Variants in CECR2 observed in about 807,000 individuals in gnomAD.
CECR2 encodes the protein chromatin remodeling regulator CECR2.
A neutral mutation model predicts 154.5 loss-of-function variants in CECR2; 30 were observed. The ratio of observed to expected loss-of-function variants is 0.19; its 90% CI spans 0.15 to 0.26. CECR2 has a LOEUF of 0.26. Among genes scored for constraint, CECR2 ranks in the 10% least tolerant of loss-of-function variants. The probability of loss-of-function intolerance (pLI) is 1.00; values close to 1 mark genes in which losing one functional copy is unlikely to be tolerated. For synonymous variants in CECR2, 725 were observed against 683.7 expected, an observed-to-expected ratio of 1.06 and a Z score of -0.94; for missense variants, 1,743 against 1,829.3, an observed-to-expected ratio of 0.95 and a Z score of 0.86.
At chr22:17,483,602 A>G (rs73379490) in intron 2 of CECR2, among the ~76,000 whole-genome samples, 4,903 of 152,236 alleles carry the variant, frequency 0.032, 288 homozygotes, top group African/African-American at 0.11. Context: ...GCAGAAAAAA[A>G]AAGAAAAAAA....
intron 1 of CECR2, among the ~76,000 whole-genome samples, chr22:17,375,061 T>G (rs1256400115): frequency 6.6e-6 from 1 of 152,166 alleles, no homozygotes; most frequent in Admixed American, 6.6e-5. Flanking sequence ...TTTAAAAAAC[T>G]TCTGAACTAA....
chr22:17,512,318 C>G (rs1045305835), intron 8 of CECR2, among the ~76,000 whole-genome samples: 1 of 151,930 alleles, frequency 6.6e-6, no homozygotes, highest in African/African-American at 2.4e-5. Context: ...GAAGGCATCC[C>G]ACACTACAGG....
chr22:17,494,855 C>T (rs1480570907), intron 2 of CECR2, among the ~76,000 whole-genome samples: 4 of 152,032 alleles, frequency 2.6e-5, no homozygotes, highest in Admixed American at 6.6e-5. Flanking sequence ...CCACCACGCC[C>T]GGCTAATTTT....
At position 17,474,374 on chromosome 22, in the gene CECR2, G is replaced by A. The variant is rs753522669; in HGVS notation, c.127-3214G>A. ...CAGGGATGGTGAAATGGGGAATATG[G>A]TAGGTAAGGGAGAAGAGTTGGAATA... is the stretch of plus-strand genomic sequence containing the variant. On this transcript the variant is annotated intron_variant, in intron 1 of 18. Coordinates refer to ENST00000262608, the MANE Select transcript of CECR2 (RefSeq NM_001290047.2). 6.6e-5 allele frequency among the ~76,000 whole-genome samples: 10 copies of A among 152,318 alleles called. 1 individual carries two copies. The highest frequency in any genetic ancestry group is 6.8e-3 in the Middle Eastern group (2 of 294).
intron 1 of CECR2, among the ~76,000 whole-genome samples, chr22:17,433,458 GTTC>G (rs1450880130): frequency 1.3e-5 from 2 of 152,052 alleles, no homozygotes; most frequent in African/African-American, 2.4e-5. Context: ...CCTTATTGTT[GTTC>G]TTTAAACAGA....
intron 1 of CECR2, among the ~76,000 whole-genome samples, chr22:17,437,262 C>T (rs1405276664): frequency 3.3e-5 from 5 of 152,122 alleles, no homozygotes; most frequent in Non-Finnish European, 7.4e-5. Flanking sequence ...TCTCCATCTC[C>T]TCATCCCCTG....
rs1035904196 is a variant in CECR2, at chr22:17,408,993, C to G, written c.126+39084C>G. ...TTTCTTTTCATAAAGGCTCTGAACT[C>G]CATAGGGCCTTTGCACCTGCTCATG... On this transcript the variant is annotated intron_variant, in intron 1 of 18. Coordinates refer to ENST00000262608, the MANE Select transcript of CECR2 (RefSeq NM_001290047.2). 2.0e-5 allele frequency among the ~76,000 whole-genome samples: 3 copies of G among 152,348 alleles called. No individual in the cohort carries two copies. In the East Asian group the frequency reaches 5.8e-4, roughly 29 times the overall value.
chr22:17,422,147 A>G (rs1211529900), intron 1 of CECR2, among the ~76,000 whole-genome samples: 1 of 149,596 alleles, frequency 6.7e-6, no homozygotes, highest in Non-Finnish European at 1.5e-5. Context: ...TCTTTTCTTT[A>G]TGTGTATTTT....
At chr22:17,530,806 G>T (rs1358425417) in intron 9 of CECR2, among the ~76,000 whole-genome samples, 1 of 152,148 alleles carries the variant, frequency 6.6e-6, no homozygotes, top group East Asian at 1.9e-4. Context: ...TAAGAGGGAA[G>T]GAAATTCTGA....
chr22:17,460,675 T>A (rs1245365220), intron 1 of CECR2, among the ~76,000 whole-genome samples: 1 of 137,506 alleles, frequency 7.3e-6, no homozygotes, highest in African/African-American at 3.4e-5. Flanking sequence ...TTAGATTGTA[T>A]GGAGAGTCTC....
intron 1 of CECR2, among the ~76,000 whole-genome samples, chr22:17,437,200 C>T (rs1388586481): frequency 6.6e-6 from 1 of 152,114 alleles, no homozygotes; most frequent in African/African-American, 2.4e-5. Flanking sequence ...CATGTCTTCC[C>T]CTTCCCCCTT....
intron 8 of CECR2, among the ~76,000 whole-genome samples, chr22:17,513,768 C>G (rs1391352401): frequency 6.6e-6 from 1 of 152,174 alleles, no homozygotes; most frequent in African/African-American, 2.4e-5. Flanking sequence ...ACAGTTCACA[C>G]CTCCTTGCAA....
intron 7 of CECR2, among the ~76,000 whole-genome samples, chr22:17,505,991 C>T (rs967809067): frequency 1.2e-4 from 18 of 151,410 alleles, no homozygotes; most frequent in East Asian, 9.7e-4. Flanking sequence ...GACACAGGCT[C>T]GTGCCACCAC....
At chr22:17,463,293 T>C (rs1379988645) in intron 1 of CECR2, among the ~76,000 whole-genome samples, 1 of 152,180 alleles carries the variant, frequency 6.6e-6, no homozygotes, top group Non-Finnish European at 1.5e-5. Context: ...AGAGGTCATA[T>C]AAACTTTGGA....
intron 9 of CECR2, among the ~76,000 whole-genome samples, chr22:17,532,767 G>T (rs1194558233): frequency 5.8e-5 from 7 of 121,694 alleles, no homozygotes; most frequent in Non-Finnish European, 9.5e-5. Flanking sequence ...ACTCAGGCTG[G>T]AGTGCAGTGG....
chr22:17,517,324 C>T (rs1042504260), intron 8 of CECR2, among the ~76,000 whole-genome samples: 2 of 152,234 alleles, frequency 1.3e-5, no homozygotes, highest in Admixed American at 6.5e-5. Flanking sequence ...CCTGAGGCCT[C>T]CCAGTCATCC....
chr22:17,511,518 A>ATT (rs36060157), intron 7 of CECR2, among the ~76,000 whole-genome samples: 2 of 146,532 alleles, frequency 1.4e-5, no homozygotes, highest in African/African-American at 2.5e-5. Context: ...TGGGAAGATA[A>ATT]TTTTTTTTTT....
intron 1 of CECR2, among the ~76,000 whole-genome samples, chr22:17,418,072 C>T (rs2054181846): frequency 2.0e-5 from 3 of 152,072 alleles, no homozygotes. Flanking sequence ...TGAGTTTTGA[C>T]AGCTGTATAC....
chr22:17,415,813 A>G (rs1240795723), intron 1 of CECR2, among the ~76,000 whole-genome samples: 2 of 152,224 alleles, frequency 1.3e-5, no homozygotes, highest in Non-Finnish European at 2.9e-5. Context: ...TTTCATCTAC[A>G]AATAATTTGA....
Sources: gnomAD v4.1 joint callset for allele counts (sites outside exome capture counted in the v4.1 genomes callset) on GRCh38, gnomAD v4.1.1 for gene constraint, MANE v1.5 for transcripts, NCBI Gene and HGNC (gene_info 2026-07-23, HGNC 2026-07-21) for gene names.